The following RNF24 variants were observed in gnomAD, a reference collection of about 807,000 sequenced individuals.
The protein encoded by RNF24 is ring finger protein 24.
Under a neutral mutation model 20.0 loss-of-function variants are expected in RNF24, and 14 were observed. That is an observed-to-expected ratio of 0.70 (90% CI 0.46 to 1.10). The LOEUF (loss-of-function observed/expected upper bound fraction) is 1.10. Among genes scored for constraint, RNF24 ranks in the 50% least tolerant of loss-of-function variants. The probability of loss-of-function intolerance (pLI) is 0.00; values close to 1 mark genes in which losing one functional copy is unlikely to be tolerated. For synonymous variants in RNF24, 45 were observed against 61.1 expected, an observed-to-expected ratio of 0.74 and a Z score of 1.23; for missense variants, 124 against 177.6, an observed-to-expected ratio of 0.70 and a Z score of 1.71.
At chr20:3,956,912 G>C (rs1007058410) in intron 2 of RNF24, among the ~76,000 whole-genome samples, 1 of 152,160 alleles carries the variant, frequency 6.6e-6, no homozygotes, top group African/African-American at 2.4e-5. Context: ...TGTAATCCCA[G>C]CACTTTGGGA....
intron 1 of RNF24, among the ~76,000 whole-genome samples, chr20:3,988,024 T>A (rs6139267): frequency 0.021 from 3,223 of 151,580 alleles, 60 homozygotes; most frequent in East Asian, 0.1. Flanking sequence ...AAAAAAAAAA[T>A]TTTTTTTGGT....
At chr20:3,952,347 G>GA (rs1004084040) in intron 2 of RNF24, among the ~76,000 whole-genome samples, 1 of 151,772 alleles carries the variant, frequency 6.6e-6, no homozygotes, top group African/African-American at 2.4e-5. Flanking sequence ...AAATAGTGTT[G>GA]AAAAAAATCT....
intron 1 of RNF24, among the ~76,000 whole-genome samples, chr20:3,998,708 A>G (rs1981122310): frequency 6.6e-6 from 1 of 151,088 alleles, no homozygotes; most frequent in Admixed American, 6.6e-5. Flanking sequence ...GTGAGCCAAG[A>G]TCACGCCATT....
intron 1 of RNF24, among the ~76,000 whole-genome samples, chr20:4,009,959 G>A (rs1479081047): frequency 1.3e-5 from 2 of 152,174 alleles, no homozygotes; most frequent in Non-Finnish European, 2.9e-5. Flanking sequence ...GCTGAGGCAG[G>A]AGAATCGCTT....
At chr20:3,975,717 G>A (rs1369753147) in intron 1 of RNF24, among the ~76,000 whole-genome samples, 2 of 152,162 alleles carry the variant, frequency 1.3e-5, no homozygotes, top group African/African-American at 4.8e-5. Flanking sequence ...TATGACTGGT[G>A]TCTTTATAAG....
chr20:4,002,621 A>T, intron 1 of RNF24, among the ~76,000 whole-genome samples: 1 of 152,204 alleles, frequency 6.6e-6, no homozygotes, highest in East Asian at 1.9e-4. Flanking sequence ...AAACAAAAGG[A>T]TCAATGAAAA....
intron 1 of RNF24, among the ~76,000 whole-genome samples, chr20:3,985,699 A>AT (rs76466197): frequency 0.025 from 3,306 of 131,216 alleles, 94 homozygotes; most frequent in East Asian, 0.077. Context: ...ATTCCTAGTA[A>AT]TTTTTTTTTT....
chr20:3,977,796 A>G (rs1276079476), intron 1 of RNF24, among the ~76,000 whole-genome samples: 3 of 149,624 alleles, frequency 2.0e-5, no homozygotes, highest in East Asian at 2.1e-4. Flanking sequence ...ACCCAGAGGC[A>G]GAGCTTGCAG....
intron 4 of RNF24, among the ~76,000 whole-genome samples, chr20:3,940,003 C>T (rs2090936245): frequency 6.6e-6 from 1 of 151,892 alleles, no homozygotes; most frequent in South Asian, 2.1e-4. Flanking sequence ...TTGTTGCCCA[C>T]ACTGGAGTAC....
At position 3,929,897 on chromosome 20, in the gene RNF24, G is replaced by C. The variant is rs555427085; in HGVS notation, c.*4166C>G. The C allele has an allele frequency of 6.6e-6, 1 of 152,378 alleles. No individual in the cohort carries two copies. Among genetic ancestry groups the C allele is most frequent in the East Asian group, 1.9e-4 (1 of 5,190 alleles). The allele number at this position is 152,378 out of a possible 1,614,324, so 9.4% of individuals were successfully genotyped here. A position where few individuals can be genotyped will look rare whatever the true frequency, so the allele number is the denominator to read the frequency against. Reference sequence around the variant, plus strand: ...AATATGTCTTACTCAACAGGAGTGTGATTGCAAAAACATCCCCCAATTCTG... The same window carrying C: ...AATATGTCTTACTCAACAGGAGTGTCATTGCAAAAACATCCCCCAATTCTG... On this transcript the variant is annotated 3_prime_UTR_variant, in exon 6 of 6. Transcript: ENST00000358395.
intron 1 of RNF24, among the ~76,000 whole-genome samples, chr20:3,973,154 G>A (rs545778483): frequency 6.6e-6 from 1 of 152,020 alleles, no homozygotes; most frequent in African/African-American, 2.4e-5. Context: ...AGTGAGCTGA[G>A]ATTGTGCCAC....
chr20:3,955,254 C>A (rs997414387), intron 2 of RNF24, among the ~76,000 whole-genome samples: 1 of 152,146 alleles, frequency 6.6e-6, no homozygotes, highest in African/African-American at 2.4e-5. Context: ...GGGTATTAAA[C>A]CCTTATCAGA....
intron 1 of RNF24, among the ~76,000 whole-genome samples, chr20:3,972,457 G>C (rs1375174499): frequency 6.6e-6 from 1 of 152,142 alleles, no homozygotes; most frequent in East Asian, 1.9e-4. Flanking sequence ...TGTGTTACTG[G>C]ACATAGTTGA....
chr20:3,971,579 T>C (rs1433494419), intron 1 of RNF24, among the ~76,000 whole-genome samples: 2 of 152,184 alleles, frequency 1.3e-5, no homozygotes, highest in Non-Finnish European at 2.9e-5. Context: ...AAGATGAGCA[T>C]ATTAAAAATA....
At chr20:3,941,487 A>C (rs576731310) in intron 4 of RNF24, among the ~76,000 whole-genome samples, 2 of 152,328 alleles carry the variant, frequency 1.3e-5, no homozygotes, top group African/African-American at 4.8e-5. Context: ...AAAACTATAC[A>C]AAGACATAAA....
At chr20:3,956,517 G>C (rs1179502794) in intron 2 of RNF24, among the ~76,000 whole-genome samples, 1 of 151,312 alleles carries the variant, frequency 6.6e-6, no homozygotes, top group Non-Finnish European at 1.5e-5. Context: ...AGTTTTTCTA[G>C]AGATTTAACA....
intron 1 of RNF24, among the ~76,000 whole-genome samples, chr20:4,000,178 T>C (rs1981271335): frequency 6.6e-6 from 1 of 152,174 alleles, no homozygotes; most frequent in East Asian, 1.9e-4. Flanking sequence ...TATGTCTCAA[T>C]AAAGCTGTTA....
At chr20:3,970,522 G>A (rs879152552) in intron 1 of RNF24, among the ~76,000 whole-genome samples, 1 of 152,140 alleles carries the variant, frequency 6.6e-6, no homozygotes, top group Admixed American at 6.5e-5. Context: ...TGACAAAAAT[G>A]TTAAAATTAT....
chr20:3,973,689 ACCC>A (rs1351396559), intron 1 of RNF24, among the ~76,000 whole-genome samples: 1 of 152,102 alleles, frequency 6.6e-6, no homozygotes, highest in African/African-American at 2.4e-5. Context: ...ACAAAAACTC[ACCC>A]AATATAAAAT....
Sources: gnomAD v4.1 joint callset for allele counts (sites outside exome capture counted in the v4.1 genomes callset) on GRCh38, gnomAD v4.1.1 for gene constraint, MANE v1.5 for transcripts, NCBI Gene and HGNC (gene_info 2026-07-23, HGNC 2026-07-21) for gene names.